The following UTP4 variants were observed in gnomAD, a reference collection of about 807,000 sequenced individuals.
UTP4 encodes the protein U3 small nucleolar RNA-associated protein 4 homolog.
A neutral mutation model predicts 82.4 loss-of-function variants in UTP4; 45 were observed. The ratio of observed to expected loss-of-function variants is 0.55; its 90% CI spans 0.43 to 0.70. The LOEUF (loss-of-function observed/expected upper bound fraction) is 0.70, where lower values mean the gene tolerates loss of function less well. Among genes scored for constraint, UTP4 ranks in the 30% least tolerant of loss-of-function variants. The pLI is 0.00. For missense variants in UTP4, 819 were observed against 858.3 expected, an observed-to-expected ratio of 0.95 and a Z score of 0.57; for synonymous variants, 348 against 300.3, an observed-to-expected ratio of 1.16 and a Z score of -1.64.
chr16:69,134,562 A>G (rs1962759467), intron 2 of UTP4, among the ~76,000 whole-genome samples: 1 of 151,748 alleles, frequency 6.6e-6, no homozygotes, highest in Non-Finnish European at 1.5e-5. Context: ...GAAAGGGATG[A>G]TTTACTGAGC....
intron 5 of UTP4, among the ~76,000 whole-genome samples, chr16:69,141,063 C>T (rs1962947293): frequency 6.6e-6 from 1 of 152,196 alleles, no homozygotes; most frequent in South Asian, 2.1e-4. Flanking sequence ...CTCTGTCTTA[C>T]TGATACATTC....
intron 8 of UTP4, 36 bp from the exon 9 acceptor site, chr16:69,153,548 G>A (rs1963332583): frequency 6.6e-7 from 1 of 1,510,596 alleles, no homozygotes; most frequent in African/African-American, 1.4e-5. Context: ...AGATGACCCT[G>A]ACTTATTTTT....
intron 3 of UTP4, among the ~76,000 whole-genome samples, chr16:69,137,440 G>A (rs1053127393): frequency 6.6e-6 from 1 of 152,190 alleles, no homozygotes; most frequent in African/African-American, 2.4e-5. Flanking sequence ...GATATCTGAA[G>A]GTGTTTCCAT....
At chr16:69,144,447 C>G (rs1181558379) in intron 6 of UTP4, among the ~76,000 whole-genome samples, 1 of 152,192 alleles carries the variant, frequency 6.6e-6, no homozygotes, top group Non-Finnish European at 1.5e-5. Flanking sequence ...CTCGGCCTCC[C>G]AAAGTGCTGA....
At chr16:69,132,731 G>C in intron 1 of UTP4, 42 bp downstream of exon 1, 1 of 254,896 alleles carries the variant, frequency 3.9e-6, no homozygotes, top group Non-Finnish European at 7.9e-6. Flanking sequence ...GCGAGAGCTG[G>C]GGGGGTCTTA....
chr16:69,165,906 G>A, intron 15 of UTP4: 1 of 368,236 alleles, frequency 2.7e-6, no homozygotes, highest in Non-Finnish European at 5.2e-6. Flanking sequence ...TGAACTCTGG[G>A]GTATCTGAAT....
At chr16:69,145,188 A>G (rs1253358853) in intron 6 of UTP4, among the ~76,000 whole-genome samples, 1 of 152,116 alleles carries the variant, frequency 6.6e-6, no homozygotes, top group African/African-American at 2.4e-5. Context: ...CCTAAGAGAA[A>G]GAGAATACAG....
In UTP4 at chr16:69,165,435, C is replaced by T; in HGVS notation, c.1742C>T (p.Thr581Ile). 2 of 1,613,942 alleles carry T rather than the reference C, an allele frequency of 1.2e-6. No homozygotes were observed. The highest frequency in any genetic ancestry group is 8.5e-7 in the Non-Finnish European group (1 of 1,179,844). Reference sequence around the variant, plus strand: ...CACCACCTTTGGCTCCAAAGGGATACTCCTATCACACACATCAGTTTTCAT... The same window carrying T: ...CACCACCTTTGGCTCCAAAGGGATATTCCTATCACACACATCAGTTTTCAT... ...GFHHLWLQRD[T>I]PITHISFHPK... Residue 581 changes from threonine to isoleucine, a missense_variant, in exon 15 of 17, where the codon ACT (threonine) becomes ATT (isoleucine). Transcript: ENST00000314423.
chr16:69,147,087 G>A (rs2152279299), intron 6 of UTP4, among the ~76,000 whole-genome samples: 1 of 150,044 alleles, frequency 6.7e-6, no homozygotes, highest in Admixed American at 6.6e-5. Context: ...TGAGGCGGGA[G>A]AATTGCTTGA....
At chr16:69,156,983 A>G (rs1597148522) in intron 11 of UTP4, 101 bp from the exon 12 acceptor site, 2 of 1,247,198 alleles carry the variant, frequency 1.6e-6, no homozygotes, top group East Asian at 4.6e-5. Flanking sequence ...GCTTACTTAG[A>G]GACAGGAAGC....
Position 69,139,879 on chromosome 16 carries a change from C to T in UTP4, c.491C>T (p.Ser164Phe), listed in dbSNP as rs775234779. ...TCTGGTACCCACATTGCAGCTGGTT[C>T]CATAGACTACATTAGTGTGTTTGAT... The part of the protein sequence containing the change: ...HPSGTHIAAG[S>F]IDYISVFDVK... The change falls in exon 5 of 17, where the codon TCC becomes TTC. Residue 164 changes from serine (S) to phenylalanine (F), a missense_variant. Coordinates refer to ENST00000314423, the MANE Select transcript of UTP4 (RefSeq NM_032830.3). 3 of 1,613,536 alleles carry T rather than the reference C, an allele frequency of 1.9e-6. No individual in the cohort carries two copies. Among genetic ancestry groups the T allele is most frequent in the East Asian group, 2.2e-5 (1 of 44,886 alleles).
chr16:69,142,116 A>G (rs1216432935), intron 5 of UTP4: 1 of 151,758 alleles, frequency 6.6e-6, no homozygotes, highest in Non-Finnish European at 1.5e-5. Context: ...CTTTCATGTT[A>G]AAGGCTTTCC....
chr16:69,147,690 C>G (rs578200058), intron 6 of UTP4, among the ~76,000 whole-genome samples: 1 of 152,128 alleles, frequency 6.6e-6, no homozygotes, highest in Non-Finnish European at 1.5e-5. Flanking sequence ...CCAGCCTATA[C>G]AAGAAATGCA....
rs376322732 is a variant in UTP4, at chr16:69,150,607, C to G, written c.809C>G (p.Ser270Cys). The change falls in exon 7 of 17, where the codon TCT becomes TGT. Residue 270 changes from serine to cysteine, a missense_variant. Transcript: ENST00000314423. Reference protein sequence around the residue: ...VFHFQLVPVTSNSSEKQWVRT... With the variant: ...VFHFQLVPVTCNSSEKQWVRT... The stretch of plus-strand genomic sequence containing the variant: ...CATTTTCAGCTGGTCCCTGTGACAT[C>G]TAACAGCAGTGAGAAGCAGTGGGTG... The G allele has an allele frequency of 3.1e-6, 5 of 1,614,126 alleles. No individual in the cohort carries two copies. The highest frequency in any genetic ancestry group is 1.3e-5 in the African/African-American group (1 of 74,952).
intron 6 of UTP4, among the ~76,000 whole-genome samples, chr16:69,143,641 G>A (rs564735709): frequency 8.5e-5 from 13 of 152,284 alleles, no homozygotes; most frequent in Non-Finnish European, 1.6e-4. Context: ...CTTCCAGTTC[G>A]TCTTGTTTGA....
chr16:69,142,891 G>A (rs1368504319), intron 5 of UTP4, among the ~76,000 whole-genome samples: 2 of 151,926 alleles, frequency 1.3e-5, no homozygotes, highest in African/African-American at 2.4e-5. Context: ...TCCCTTTCCT[G>A]TTAGGCTCTC....
chr16:69,154,027 AAAG>A (rs750958063), intron 9 of UTP4, among the ~76,000 whole-genome samples: 19 of 152,198 alleles, frequency 1.2e-4, no homozygotes, highest in Non-Finnish European at 2.1e-4. Context: ...TCCTGTAGAA[AAAG>A]AAGATCACAT....
chr16:69,134,106 T>C (rs1466109770), intron 2 of UTP4, among the ~76,000 whole-genome samples: 3 of 152,126 alleles, frequency 2.0e-5, no homozygotes, highest in African/African-American at 7.2e-5. Flanking sequence ...TAAAGGAGAT[T>C]TAAAATTAGG....
chr16:69,134,668 A>G (rs1008204995), intron 2 of UTP4, among the ~76,000 whole-genome samples: 2 of 146,986 alleles, frequency 1.4e-5, no homozygotes, highest in Non-Finnish European at 3.0e-5. Flanking sequence ...GCGTGTGCTT[A>G]TTGCATCCTG....
Sources: allele counts gnomAD v4.1 joint callset (sites outside exome capture counted in the v4.1 genomes callset), GRCh38; gene constraint gnomAD v4.1.1; transcripts MANE v1.5; gene names NCBI Gene and HGNC (gene_info 2026-07-23, HGNC 2026-07-21).